Variants in AFG2A observed in about 807,000 individuals in gnomAD.
The protein encoded by AFG2A is ATPase family gene 2 protein homolog A.
At chr4:122,953,266 A>G in the AFG2A span, among the ~76,000 whole-genome samples, 9 of 152,314 alleles carry the variant, frequency 5.9e-5, no homozygotes, top group South Asian at 2.1e-4. Flanking sequence ...GTATTCCAAG[A>G]TGGGAGCTAT....
At chr4:123,037,120 G>C in the AFG2A span, among the ~76,000 whole-genome samples, 7 of 151,924 alleles carry the variant, frequency 4.6e-5, no homozygotes, top group Non-Finnish European at 1.5e-5. Context: ...AAAAGCACCA[G>C]GCAGGTGTCA....
the AFG2A span, among the ~76,000 whole-genome samples, chr4:123,024,374 A>G: frequency 1.3e-5 from 2 of 152,178 alleles, no homozygotes; most frequent in African/African-American, 4.8e-5. Flanking sequence ...CAAGTCACCT[A>G]AAGTACAGGC....
the AFG2A span, among the ~76,000 whole-genome samples, chr4:123,295,785 G>A: frequency 2.0e-5 from 3 of 152,212 alleles, no homozygotes; most frequent in Non-Finnish European, 4.4e-5. Context: ...GGTGATGCGT[G>A]CCTGTAGTCC....
chr4:122,953,636 A>G, the AFG2A span, among the ~76,000 whole-genome samples: 1 of 152,070 alleles, frequency 6.6e-6, no homozygotes, highest in Non-Finnish European at 1.5e-5. Flanking sequence ...TTAGTGAAGC[A>G]CTCTTCTGGT....
chr4:123,222,151 G>C, the AFG2A span, among the ~76,000 whole-genome samples: 1 of 152,104 alleles, frequency 6.6e-6, no homozygotes, highest in South Asian at 2.1e-4. Context: ...ATAAATTTTT[G>C]TTGGAAATAC....
chr4:123,243,691 A>G, the AFG2A span, among the ~76,000 whole-genome samples: 3 of 152,098 alleles, frequency 2.0e-5, no homozygotes, highest in Non-Finnish European at 4.4e-5. Flanking sequence ...GCTCATGTAT[A>G]CCTATGTAAT....
the AFG2A span, among the ~76,000 whole-genome samples, chr4:123,191,799 T>C: frequency 6.6e-6 from 1 of 152,146 alleles, no homozygotes; most frequent in Non-Finnish European, 1.5e-5. Context: ...CCTACTAATT[T>C]GTAGTTCTTT....
the AFG2A span, among the ~76,000 whole-genome samples, chr4:123,125,789 C>G: frequency 1.3e-5 from 2 of 152,140 alleles, no homozygotes; most frequent in Admixed American, 6.5e-5. Flanking sequence ...GTCCAGCCTC[C>G]GGTTTTGTTT....
the AFG2A span, among the ~76,000 whole-genome samples, chr4:123,157,571 A>G: frequency 0.91 from 138,138 of 152,162 alleles, 62,942 homozygotes; most frequent in East Asian, 0.98. Flanking sequence ...CTCAAAAAAA[A>G]ATTGTAACTC....
the AFG2A span, among the ~76,000 whole-genome samples, chr4:123,110,076 T>C: frequency 0.021 from 3,238 of 152,266 alleles, 65 homozygotes; most frequent in Non-Finnish European, 0.035. Flanking sequence ...GGGGGTGATA[T>C]GTGTTTAGTA....
chr4:122,970,902 C>T, the AFG2A span, among the ~76,000 whole-genome samples: 1 of 152,194 alleles, frequency 6.6e-6, no homozygotes, highest in Admixed American at 6.5e-5. Context: ...GGCACTATCT[C>T]AGCTCACTGC....
At chr4:123,052,183 C>T in the AFG2A span, among the ~76,000 whole-genome samples, 2 of 152,038 alleles carry the variant, frequency 1.3e-5, no homozygotes, top group Admixed American at 6.5e-5. Context: ...AATAGTTGGG[C>T]TTCAAGCTCA....
the AFG2A span, among the ~76,000 whole-genome samples, chr4:122,998,438 T>G: frequency 1.3e-5 from 2 of 151,880 alleles, no homozygotes; most frequent in Non-Finnish European, 1.5e-5. Context: ...ATTAGGTATA[T>G]CTCCTAATGC....
chr4:123,287,031 A>G, the AFG2A span, among the ~76,000 whole-genome samples: 1 of 152,070 alleles, frequency 6.6e-6, no homozygotes, highest in Non-Finnish European at 1.5e-5. Context: ...TGAACCAGAC[A>G]TGCTTCACCT....
chr4:123,227,041 G>A, the AFG2A span, among the ~76,000 whole-genome samples: 2 of 152,126 alleles, frequency 1.3e-5, no homozygotes, highest in African/African-American at 2.4e-5. Flanking sequence ...GTATTTCTGT[G>A]GGATCGGTGG....
At chr4:123,189,020 G>A in the AFG2A span, among the ~76,000 whole-genome samples, 12 of 152,126 alleles carry the variant, frequency 7.9e-5, no homozygotes, top group Non-Finnish European at 1.6e-4. Flanking sequence ...GACATTAGAG[G>A]GTCTGGCCTT....
chr4:123,015,883 G>A, the AFG2A span, among the ~76,000 whole-genome samples: 2 of 54,548 alleles, frequency 3.7e-5, no homozygotes, highest in Non-Finnish European at 1.0e-4. Flanking sequence ...CTCCCTCCCG[G>A]ACGGGGCGGC....
At chr4:123,146,790 A>G in the AFG2A span, among the ~76,000 whole-genome samples, 1 of 75,430 alleles carries the variant, frequency 1.3e-5, no homozygotes, top group Non-Finnish European at 4.0e-5. Flanking sequence ...CAAACCTCTC[A>G]TTTTTTTCCC....
chr4:122,950,506 A>AT, the AFG2A span, among the ~76,000 whole-genome samples: 2 of 151,952 alleles, frequency 1.3e-5, no homozygotes, highest in African/African-American at 4.8e-5. Flanking sequence ...CACCTGGCTA[A>AT]TTTTTTGTAT....
Sources: allele counts gnomAD v4.1 joint callset (sites outside exome capture counted in the v4.1 genomes callset), GRCh38; gene constraint gnomAD v4.1.1; transcripts MANE v1.5; gene names NCBI Gene and HGNC (gene_info 2026-07-23, HGNC 2026-07-21).